Variants in NRCAM observed in about 807,000 individuals in gnomAD.
NRCAM encodes the protein neuronal cell adhesion molecule, also known as NgCAM-related cell adhesion molecule.
A neutral mutation model predicts 156.5 loss-of-function variants in NRCAM; 83 were observed. The observed-to-expected ratio is 0.53, with a 90% CI of 0.44 to 0.64. The LOEUF is 0.64. NRCAM is among the 30% of genes least tolerant of loss of function. The probability of loss-of-function intolerance (pLI) is 0.00; values close to 1 mark genes in which losing one functional copy is unlikely to be tolerated. For synonymous variants in NRCAM, 538 were observed against 563.9 expected, an observed-to-expected ratio of 0.95 and a Z score of 0.65; for missense variants, 1,417 against 1,597.3, an observed-to-expected ratio of 0.89 and a Z score of 1.92.
At chr7:108,333,295 C>A (rs991988061) in intron 2 of NRCAM, among the ~76,000 whole-genome samples, 1 of 152,088 alleles carries the variant, frequency 6.6e-6, no homozygotes, top group African/African-American at 2.4e-5. Flanking sequence ...CACACGTGCA[C>A]CCTTTCTGGA....
intron 2 of NRCAM, among the ~76,000 whole-genome samples, chr7:108,354,693 C>T (rs1208903795): frequency 1.3e-5 from 2 of 151,894 alleles, no homozygotes; most frequent in African/African-American, 2.4e-5. Flanking sequence ...TCAGGAGTTC[C>T]AGACCAGCCT....
intron 1 of NRCAM, among the ~76,000 whole-genome samples, chr7:108,409,041 C>A (rs1441518945): frequency 6.6e-6 from 1 of 152,064 alleles, no homozygotes. Flanking sequence ...TGAGGGAAGG[C>A]ACAAAACACC....
At chr7:108,382,502 G>A (rs1024951381) in intron 2 of NRCAM, among the ~76,000 whole-genome samples, 1 of 151,976 alleles carries the variant, frequency 6.6e-6, no homozygotes, top group Non-Finnish European at 1.5e-5. Flanking sequence ...CCAGCTACTT[G>A]GAAGGCTGAG....
intron 27 of NRCAM, 104 bp from the exon 28 acceptor site, chr7:108,175,461 CAAG>C: frequency 1.9e-6 from 2 of 1,034,964 alleles, no homozygotes; most frequent in African/African-American, 1.6e-5. Context: ...CTAAAGCATG[CAAG>C]AAGAATGAAG....
At chr7:108,199,947 G>A (rs1222850168) in intron 13 of NRCAM, among the ~76,000 whole-genome samples, 6 of 152,018 alleles carry the variant, frequency 3.9e-5, no homozygotes, top group Admixed American at 6.6e-5. Context: ...TTAAAAATTC[G>A]CCATACATTT....
intron 11 of NRCAM, among the ~76,000 whole-genome samples, chr7:108,212,893 A>G (rs1269622): frequency 0.4 from 60,743 of 152,046 alleles, 14,306 homozygotes; most frequent in East Asian, 0.81. Context: ...CAGGAAGCAC[A>G]AAGAACACCT....
At chr7:108,268,632 G>GA (rs1412367019) in intron 3 of NRCAM, among the ~76,000 whole-genome samples, 1 of 64,960 alleles carries the variant, frequency 1.5e-5, no homozygotes, top group African/African-American at 4.8e-5. Context: ...GGGTGGGGGG[G>GA]GGTTGGGGGG....
intron 1 of NRCAM, among the ~76,000 whole-genome samples, chr7:108,455,631 A>G (rs1313550569): frequency 1.3e-5 from 2 of 152,036 alleles, no homozygotes; most frequent in African/African-American, 4.8e-5. Flanking sequence ...CTCTCCAGGC[A>G]GCGACTGGAG....
intron 2 of NRCAM, among the ~76,000 whole-genome samples, chr7:108,331,207 T>A (rs1270145092): frequency 6.6e-6 from 1 of 152,082 alleles, no homozygotes. Flanking sequence ...AAGACCAGCC[T>A]GGGCAACATA....
intron 11 of NRCAM, among the ~76,000 whole-genome samples, chr7:108,210,757 T>C (rs2083757498): frequency 6.6e-6 from 1 of 152,190 alleles, no homozygotes; most frequent in Admixed American, 6.5e-5. Flanking sequence ...TAAAAATCCA[T>C]TCAACACAAA....
At chr7:108,327,658 T>C (rs1348302733) in intron 2 of NRCAM, among the ~76,000 whole-genome samples, 2 of 152,186 alleles carry the variant, frequency 1.3e-5, no homozygotes, top group African/African-American at 2.4e-5. Flanking sequence ...TCTTTGAAGA[T>C]GTTTCAAGAG....
intron 2 of NRCAM, among the ~76,000 whole-genome samples, chr7:108,341,297 C>T (rs556659669): frequency 2.6e-5 from 4 of 152,284 alleles, no homozygotes; most frequent in Non-Finnish European, 5.9e-5. Context: ...TATGCTTGAC[C>T]ATTGAGGGCC....
intron 3 of NRCAM, among the ~76,000 whole-genome samples, chr7:108,272,475 G>A (rs1175591504): frequency 1.3e-5 from 2 of 152,054 alleles, no homozygotes; most frequent in South Asian, 2.1e-4. Flanking sequence ...ACCAGTTGAC[G>A]ATCTTTATTT....
intron 7 of NRCAM, 49 bp downstream of exon 7, chr7:108,232,277 G>A (rs757826322): frequency 2.2e-6 from 3 of 1,346,992 alleles, no homozygotes; most frequent in African/African-American, 2.9e-5. Context: ...GCTGAGTCTT[G>A]GAGCAATACT....
At chr7:108,271,737 A>G (rs1018362246) in intron 3 of NRCAM, among the ~76,000 whole-genome samples, 5 of 151,898 alleles carry the variant, frequency 3.3e-5, no homozygotes, top group African/African-American at 9.7e-5. Flanking sequence ...TGAGATTACC[A>G]TAGGGTAACC....
At chr7:108,448,572 C>G (rs1370912916) in intron 1 of NRCAM, among the ~76,000 whole-genome samples, 1 of 152,100 alleles carries the variant, frequency 6.6e-6, no homozygotes, top group Admixed American at 6.5e-5. Flanking sequence ...TTCAAATTAC[C>G]CAAAATTGCT....
chr7:108,166,357 C>T (rs2054229751), intron 30 of NRCAM, among the ~76,000 whole-genome samples: 1 of 151,438 alleles, frequency 6.6e-6, no homozygotes. Flanking sequence ...AAGTGATTCT[C>T]CTGCCTCAGC....
chr7:108,310,119 C>T (rs1385047805), intron 3 of NRCAM, among the ~76,000 whole-genome samples: 2 of 152,126 alleles, frequency 1.3e-5, no homozygotes, highest in African/African-American at 4.8e-5. Flanking sequence ...TAAATGACTC[C>T]AGCACCTTGT....
chr7:108,300,226 T>C (rs1261788542), intron 3 of NRCAM, among the ~76,000 whole-genome samples: 1 of 144,682 alleles, frequency 6.9e-6, no homozygotes, highest in African/African-American at 2.6e-5. Context: ...AGCCCTGATA[T>C]TGAAAAAACA....
Sources: allele counts gnomAD v4.1 joint callset (sites outside exome capture counted in the v4.1 genomes callset), GRCh38; gene constraint gnomAD v4.1.1; transcripts MANE v1.5; gene names NCBI Gene and HGNC (gene_info 2026-07-23, HGNC 2026-07-21).